Variants in JMJD1C observed in about 807,000 individuals in gnomAD.
JMJD1C encodes jumonji domain-containing protein 1C.
A neutral mutation model predicts 245.3 loss-of-function variants in JMJD1C; 31 were observed. The observed-to-expected ratio is 0.13, with a 90% confidence interval of 0.09 to 0.17. The LOEUF (loss-of-function observed/expected upper bound fraction) is 0.17, where lower values mean the gene tolerates loss of function less well. Among genes scored for constraint, JMJD1C ranks in the 10% least tolerant of loss-of-function variants. The pLI is 1.00. For synonymous variants in JMJD1C, 1,057 were observed against 1,017.4 expected (o/e 1.04, Z -0.74); for missense variants, 2,691 against 3,000.2 (o/e 0.90, Z 2.41).
At chr10:63,172,095 T>C (rs1284123199) in intron 24 of JMJD1C, among the ~76,000 whole-genome samples, 1 of 152,234 alleles carries the variant, frequency 6.6e-6, no homozygotes, top group Non-Finnish European at 1.5e-5. Context: ...CCAAAATATG[T>C]AGCAAAGAAG....
At chr10:63,436,225 C>A (rs1178151271) in intron 1 of JMJD1C, among the ~76,000 whole-genome samples, 1 of 152,176 alleles carries the variant, frequency 6.6e-6, no homozygotes, top group Non-Finnish European at 1.5e-5. Context: ...TGTTTCACAA[C>A]TGCAAATTTC....
intron 2 of JMJD1C, among the ~76,000 whole-genome samples, chr10:63,339,783 G>A (rs769088617): frequency 1.4e-4 from 22 of 152,184 alleles, no homozygotes; most frequent in African/African-American, 2.2e-4. Flanking sequence ...AAAATTAGCC[G>A]GATGTGGTCT....
At chr10:63,349,155 C>A (rs1373861523) in intron 2 of JMJD1C, among the ~76,000 whole-genome samples, 2 of 147,762 alleles carry the variant, frequency 1.4e-5, no homozygotes, top group African/African-American at 5.1e-5. Context: ...TGATGCCTGC[C>A]CTCCTTTGCC....
At chr10:63,515,454 T>C (rs117212080) in intron 1 of JMJD1C, among the ~76,000 whole-genome samples, 6,044 of 152,250 alleles carry the variant, frequency 0.04, 162 homozygotes, top group Middle Eastern at 0.11. Flanking sequence ...GGGGCTTCCT[T>C]AGGACTGGCT....
chr10:63,186,161 T>C, intron 19 of JMJD1C, 54 bp downstream of exon 19: 1 of 1,312,670 alleles, frequency 7.6e-7, no homozygotes, highest in Non-Finnish European at 1.1e-6. Context: ...CATTTGGAAT[T>C]TATCATTTTG....
Position 63,442,900 on chromosome 10 carries a change from C to T in JMJD1C, c.168+22595G>A, listed in dbSNP as rs538622106. On this transcript the variant is annotated intron_variant, in intron 1 of 25. Coordinates refer to ENST00000399262, the MANE Select transcript of JMJD1C (RefSeq NM_032776.3). ...TGATGTCTTTTCCAATACCACTTCT[C>T]CGACTCTCTGACATCAACTAGGTGC... is the stretch of plus-strand genomic sequence containing the variant. Among the ~76,000 whole-genome samples the T allele has an allele frequency of 7.5e-4, 114 of 152,290 alleles. 2 individuals carry two copies. The South Asian group carries it at 0.017, about 22-fold the overall frequency.
At chr10:63,174,541 G>A (rs1219534285) in intron 24 of JMJD1C, among the ~76,000 whole-genome samples, 1 of 151,644 alleles carries the variant, frequency 6.6e-6, no homozygotes, top group Non-Finnish European at 1.5e-5. Context: ...GACTATAAAA[G>A]TGCAAGAGGA....
At chr10:63,438,261 C>G (rs149825622) in intron 1 of JMJD1C, among the ~76,000 whole-genome samples, 1 of 152,094 alleles carries the variant, frequency 6.6e-6, no homozygotes, top group South Asian at 2.1e-4. Flanking sequence ...TTGCAGGAGC[C>G]AAAACCTTAG....
chr10:63,452,377 T>C (rs1287433527), intron 1 of JMJD1C, among the ~76,000 whole-genome samples: 1 of 152,216 alleles, frequency 6.6e-6, no homozygotes, highest in Non-Finnish European at 1.5e-5. Flanking sequence ...ATTATCATAA[T>C]GAAATGCCAT....
Position 63,214,096 on chromosome 10 carries a change from T to C in JMJD1C, c.2071A>G (p.Thr691Ala), listed in dbSNP as rs1370622218. Residue 691 changes from threonine to alanine, a missense_variant, in exon 8 of 26, where the codon ACT (threonine) becomes GCT (alanine). Thr to Ala is a moderately conservative substitution (Grantham distance 58, BLOSUM62 0). Around this residue, in one of 9 missense-constraint regions of JMJD1C, gnomAD observed 1,562 missense variants for 1,490.7 expected, o/e 1.05. Transcript: ENST00000399262. ...LSRCSFHPIP[T>A]RSSTLETTKS... ...GTAGTTTCTAATGTACTGCTTCGAG[T>C]AGGAATTGGATGAAAACTGCATCTT... The C allele has an allele frequency of 2.5e-6, 4 of 1,613,974 alleles. No homozygotes were observed. The African/African-American group carries it at 5.3e-5, about 22-fold the overall frequency.
At chr10:63,272,106 G>C (rs972151481) in intron 2 of JMJD1C, among the ~76,000 whole-genome samples, 1 of 151,080 alleles carries the variant, frequency 6.6e-6, no homozygotes, top group East Asian at 1.9e-4. Context: ...AAAAACTACC[G>C]AAAAGATATT....
intron 2 of JMJD1C, among the ~76,000 whole-genome samples, chr10:63,313,608 T>C (rs965849144): frequency 1.3e-5 from 2 of 152,222 alleles, no homozygotes; most frequent in Admixed American, 6.5e-5. Flanking sequence ...ATATCCATTA[T>C]TTTTTGACTT....
intron 2 of JMJD1C, among the ~76,000 whole-genome samples, chr10:63,303,486 A>T (rs1216682234): frequency 6.6e-6 from 1 of 152,134 alleles, no homozygotes; most frequent in Non-Finnish European, 1.5e-5. Context: ...TTGTATTTTT[A>T]GTAGAGACAG....
At chr10:63,462,906 G>A (rs141416981) in intron 1 of JMJD1C, among the ~76,000 whole-genome samples, 1 of 151,532 alleles carries the variant, frequency 6.6e-6, no homozygotes, top group Non-Finnish European at 1.5e-5. Context: ...TTTAATTCAC[G>A]TGGCAATTCC....
In JMJD1C at chr10:63,465,680, C is replaced by A. The variant is rs750194941; in HGVS notation, c.-18G>T. 1.2e-6 allele frequency: 2 copies of A among 1,606,266 alleles called. No individual in the cohort carries two copies. The highest frequency in any genetic ancestry group is 1.7e-6 in the Non-Finnish European group (2 of 1,179,778). ...ACCGCCATAGCTGTCGCTGCCGAAG[C>A]GGCCGCTGCCTCCTCCAGTGCGAGG... On this transcript the variant is annotated 5_prime_UTR_variant, in exon 1 of 26. Coordinates refer to ENST00000399262, the MANE Select transcript of JMJD1C (RefSeq NM_032776.3).
At chr10:63,319,487 A>T (rs1210159257) in intron 2 of JMJD1C, among the ~76,000 whole-genome samples, 1 of 151,492 alleles carries the variant, frequency 6.6e-6, no homozygotes, top group African/African-American at 2.4e-5. Context: ...TTTAATCTGA[A>T]ATTTCTCACC....
At chr10:63,263,140 C>A (rs1855007874) in intron 3 of JMJD1C, among the ~76,000 whole-genome samples, 1 of 152,062 alleles carries the variant, frequency 6.6e-6, no homozygotes, top group African/African-American at 2.4e-5. Flanking sequence ...CAAAATAAAA[C>A]CCCAGGGAAA....
chr10:63,430,215 T>G (rs890273282), intron 1 of JMJD1C, among the ~76,000 whole-genome samples: 1 of 152,162 alleles, frequency 6.6e-6, no homozygotes, highest in Admixed American at 6.5e-5. Context: ...GAGACCAATA[T>G]GTAAGACCCA....
intron 1 of JMJD1C, among the ~76,000 whole-genome samples, chr10:63,480,529 C>T (rs968065153): frequency 2.0e-5 from 3 of 151,830 alleles, no homozygotes; most frequent in African/African-American, 7.3e-5. Flanking sequence ...GACTGGCACC[C>T]TAGAATGGCA....
Sources: gnomAD v4.1 joint callset for allele counts (sites outside exome capture counted in the v4.1 genomes callset) on GRCh38, gnomAD v4.1.1 for gene constraint, gnomAD v4.1.1 regional missense constraint, MANE v1.5 for transcripts, NCBI Gene and HGNC (gene_info 2026-07-23, HGNC 2026-07-21) for gene names.